Variants in ZNF385D observed in about 807,000 individuals in gnomAD.
ZNF385D encodes zinc finger protein 385D.
ZNF385D carries 15 observed loss-of-function variants against 35.8 expected under a neutral mutation model. The observed-to-expected ratio is 0.42, with a 90% confidence interval of 0.28 to 0.64. The LOEUF (loss-of-function observed/expected upper bound fraction) is 0.64, where lower values mean the gene tolerates loss of function less well. Ranked by LOEUF, ZNF385D falls within the 30% of genes least tolerant of loss-of-function variation. The probability of loss-of-function intolerance (pLI) is 0.23; values close to 1 mark genes in which losing one functional copy is unlikely to be tolerated. For missense variants in ZNF385D, 474 were observed against 494.6 expected (o/e 0.96, Z 0.39); for synonymous variants, 212 against 186.8 (o/e 1.13, Z -1.10).
At chr3:22,359,110 A>G (rs114638044) in intron 2 of ZNF385D, among the ~76,000 whole-genome samples, 6,947 of 149,242 alleles carry the variant, frequency 0.047, 196 homozygotes, top group East Asian at 0.1. Flanking sequence ...CAAAAAAAAC[A>G]CTTGATAACT....
chr3:21,535,570 A>G (rs903624469), intron 3 of ZNF385D, among the ~76,000 whole-genome samples: 1 of 152,176 alleles, frequency 6.6e-6, no homozygotes, highest in African/African-American at 2.4e-5. Context: ...AAGAATTATC[A>G]GAATAAGAAT....
At chr3:22,063,749 A>G (rs956666811) in intron 3 of ZNF385D, among the ~76,000 whole-genome samples, 1 of 151,900 alleles carries the variant, frequency 6.6e-6, no homozygotes, top group Non-Finnish European at 1.5e-5. Context: ...CCAAAGTCAC[A>G]CCCTCTTCCC....
At chr3:21,556,068 G>GTTTTTTTTT (rs148079775) in intron 3 of ZNF385D, among the ~76,000 whole-genome samples, 13 of 99,006 alleles carry the variant, frequency 1.3e-4, no homozygotes, top group African/African-American at 1.6e-4. Flanking sequence ...TTTTGTTTTT[G>GTTTTTTTTT]TTTTTTTTTT....
At chr3:21,917,834 T>C (rs981419809) in intron 3 of ZNF385D, among the ~76,000 whole-genome samples, 2 of 152,198 alleles carry the variant, frequency 1.3e-5, no homozygotes, top group African/African-American at 2.4e-5. Context: ...ACTATATCCA[T>C]TGGTGTATGT....
chr3:22,138,363 G>C (rs1280594089), intron 3 of ZNF385D, among the ~76,000 whole-genome samples: 1 of 152,024 alleles, frequency 6.6e-6, no homozygotes, highest in African/African-American at 2.4e-5. Context: ...TGCCAAGTGA[G>C]TCCTAAGCCA....
At chr3:22,370,574 A>G (rs1445316004) in intron 2 of ZNF385D, among the ~76,000 whole-genome samples, 2 of 152,160 alleles carry the variant, frequency 1.3e-5, no homozygotes, top group East Asian at 3.8e-4. Context: ...AAACTTAGAG[A>G]GGTTTATTGC....
intron 3 of ZNF385D, among the ~76,000 whole-genome samples, chr3:21,920,461 TTAG>T (rs1370848763): frequency 6.6e-6 from 1 of 152,114 alleles, no homozygotes; most frequent in Non-Finnish European, 1.5e-5. Context: ...GACAGAAATA[TTAG>T]TAGGTTTTTT....
intron 2 of ZNF385D, among the ~76,000 whole-genome samples, chr3:22,330,524 C>T (rs943481004): frequency 2.6e-5 from 4 of 152,002 alleles, no homozygotes; most frequent in African/African-American, 7.3e-5. Flanking sequence ...CCCTGGTATC[C>T]TTATTTGAAA....
At chr3:21,747,421 G>T (rs1307271821) in intron 1 of ZNF385D, among the ~76,000 whole-genome samples, 1 of 152,124 alleles carries the variant, frequency 6.6e-6, no homozygotes, top group African/African-American at 2.4e-5. Context: ...AGAACTGAAA[G>T]CTTCCTGATA....
At chr3:22,126,583 T>A (rs1703443969) in intron 3 of ZNF385D, among the ~76,000 whole-genome samples, 1 of 152,064 alleles carries the variant, frequency 6.6e-6, no homozygotes, top group Admixed American at 6.6e-5. Flanking sequence ...GTTTTAAGAC[T>A]TGTTTTGTGA....
chr3:21,859,686 T>A (rs146157120), intron 3 of ZNF385D, among the ~76,000 whole-genome samples: 2 of 151,346 alleles, frequency 1.3e-5, no homozygotes, highest in African/African-American at 4.8e-5. Flanking sequence ...TTTTTTTTTT[T>A]CCTGTAGTTG....
intron 3 of ZNF385D, among the ~76,000 whole-genome samples, chr3:21,791,273 G>A (rs1327183393): frequency 6.6e-6 from 1 of 152,110 alleles, no homozygotes; most frequent in South Asian, 2.1e-4. Flanking sequence ...GTTTTGATGT[G>A]GGGCCATTTT....
chr3:21,779,212 T>A (rs2071402172), intron 3 of ZNF385D, among the ~76,000 whole-genome samples: 1 of 151,922 alleles, frequency 6.6e-6, no homozygotes, highest in Non-Finnish European at 1.5e-5. Context: ...CACTGGGCAT[T>A]TCAGGATATA....
At chr3:21,679,265 A>C (rs1016205742) in intron 1 of ZNF385D, among the ~76,000 whole-genome samples, 15 of 152,092 alleles carry the variant, frequency 9.9e-5, no homozygotes, top group Admixed American at 9.8e-4. Context: ...AACTATTCTT[A>C]ATGTCTTTTT....
chr3:21,636,378 T>TATATATATATATATA (rs2065437484), intron 2 of ZNF385D, among the ~76,000 whole-genome samples: 4 of 47,996 alleles, frequency 8.3e-5, no homozygotes, highest in African/African-American at 3.6e-4. Context: ...ATATATATGA[T>TATATATATATATATA]TATATATATA....
At chr3:22,127,555 G>C (rs1240728009) in intron 3 of ZNF385D, among the ~76,000 whole-genome samples, 1 of 151,748 alleles carries the variant, frequency 6.6e-6, no homozygotes, top group East Asian at 1.9e-4. Flanking sequence ...GTCCAGGCTG[G>C]TTTTGAACTT....
At chr3:21,703,194 C>G (rs957366233) in intron 1 of ZNF385D, among the ~76,000 whole-genome samples, 1 of 152,022 alleles carries the variant, frequency 6.6e-6, no homozygotes, top group Non-Finnish European at 1.5e-5. Flanking sequence ...AGAATCATGG[C>G]GGGAGGTGAA....
At chr3:21,577,158 T>G (rs1575230314) in intron 2 of ZNF385D, among the ~76,000 whole-genome samples, 1 of 152,310 alleles carries the variant, frequency 6.6e-6, no homozygotes, top group East Asian at 1.9e-4. Flanking sequence ...CTTATCCTCC[T>G]TTTCTCCCTA....
At position 21,847,004 on chromosome 3, in the gene ZNF385D, G is replaced by T. The variant is rs183421851; in HGVS notation, c.326-181976C>A. 2.5e-3 allele frequency among the ~76,000 whole-genome samples: 384 copies of T among 152,100 alleles called. 4 individuals carry two copies. Among genetic ancestry groups the T allele is most frequent in the Admixed American group, 0.023 (350 of 15,234 alleles). On this transcript the variant is annotated intron_variant, in intron 3 of 5. Coordinates refer to the ZNF385D transcript ENST00000494108. ...GAGGTAAAGTAAAAGCAAAACCCAG[G>T]CCTTCTCAAGCCCCAACCAGGTACT...
Sources: gnomAD v4.1 joint callset for allele counts (sites outside exome capture counted in the v4.1 genomes callset) on GRCh38, gnomAD v4.1.1 for gene constraint, MANE v1.5 for transcripts, NCBI Gene and HGNC (gene_info 2026-07-23, HGNC 2026-07-21) for gene names.